The following MYO3A variants were observed in gnomAD, a reference collection of about 807,000 sequenced individuals.
MYO3A encodes myosin-IIIa.
A neutral mutation model predicts 192.7 loss-of-function variants in MYO3A; 180 were observed. The ratio of observed to expected loss-of-function variants is 0.93; its 90% CI spans 0.83 to 1.06. The LOEUF (loss-of-function observed/expected upper bound fraction) is 1.06. MYO3A is among the 50% of genes least tolerant of loss of function. The pLI, the probability that MYO3A is intolerant of heterozygous loss-of-function variation, is 0.00. For synonymous variants in MYO3A, 628 were observed against 645.3 expected (o/e 0.97, Z 0.41); for missense variants, 1,896 against 1,905.0 (o/e 1.00, Z 0.09).
In MYO3A at chr10:26,160,248, G is replaced by A. The variant is rs148223646; in HGVS notation, c.2999+2733G>A. ...TTGATCTTCAATATTGGACAGTCCA[G>A]TTAGAATCACCAGAGGCACAGACAT... is the stretch of plus-strand genomic sequence containing the variant. On this transcript the variant is annotated intron_variant, in intron 26 of 34. Coordinates refer to ENST00000642920, the MANE Select transcript of MYO3A (RefSeq NM_017433.5). 1.2e-4 allele frequency among the ~76,000 whole-genome samples: 18 copies of A among 152,272 alleles called. No homozygotes were observed. In the East Asian group the frequency reaches 3.5e-3, roughly 29 times the overall value.
At chr10:26,130,499 T>G (rs1267107930) in intron 20 of MYO3A, among the ~76,000 whole-genome samples, 1 of 152,208 alleles carries the variant, frequency 6.6e-6, no homozygotes, top group East Asian at 1.9e-4. Context: ...ACAAAACTTA[T>G]TCTATAAAGC....
At chr10:26,050,198 T>A (rs993223288) in intron 10 of MYO3A, among the ~76,000 whole-genome samples, 1 of 151,738 alleles carries the variant, frequency 6.6e-6, no homozygotes, top group Admixed American at 6.6e-5. Flanking sequence ...AGGAAAAATA[T>A]TTCTGTACAA....
At chr10:26,205,481 G>GGGGT in intron 34 of MYO3A, among the ~76,000 whole-genome samples, 1 of 138,232 alleles carries the variant, frequency 7.2e-6, no homozygotes, top group African/African-American at 2.7e-5. Flanking sequence ...TTTTTTTTTG[G>GGGGT]GGGGGGGCTT....
intron 10 of MYO3A, among the ~76,000 whole-genome samples, chr10:26,036,019 T>C (rs975320208): frequency 5.9e-5 from 9 of 152,174 alleles, no homozygotes; most frequent in Middle Eastern, 3.4e-3. Context: ...CTGCAAGTTC[T>C]GCCTCCCGGG....
intron 14 of MYO3A, among the ~76,000 whole-genome samples, chr10:26,087,116 TC>T (rs1237404172): frequency 6.6e-6 from 1 of 152,180 alleles, no homozygotes; most frequent in African/African-American, 2.4e-5. Flanking sequence ...TATGCAGTCT[TC>T]CAAATCTTAC....
intron 6 of MYO3A, among the ~76,000 whole-genome samples, chr10:26,000,893 G>A (rs1306717127): frequency 1.3e-5 from 2 of 152,276 alleles, no homozygotes; most frequent in African/African-American, 4.8e-5. Flanking sequence ...GCATGGCTGG[G>A]GAGGCTTCAG....
intron 14 of MYO3A, 36 bp from the exon 15 acceptor site, chr10:26,088,167 T>C: frequency 6.8e-7 from 1 of 1,475,880 alleles, no homozygotes; most frequent in Non-Finnish European, 9.2e-7. Context: ...ATTAATTTTT[T>C]ATGTTTTTAA....
At chr10:26,000,556 T>C (rs80287250) in intron 6 of MYO3A, among the ~76,000 whole-genome samples, 9,745 of 152,296 alleles carry the variant, frequency 0.064, 408 homozygotes, top group Non-Finnish European at 0.094. Flanking sequence ...TCTGTCTAAA[T>C]TGCTTACCTT....
intron 27 of MYO3A, 77 bp from the exon 28 acceptor site, chr10:26,168,635 C>G: frequency 6.9e-7 from 1 of 1,441,234 alleles, no homozygotes; most frequent in African/African-American, 1.4e-5. Context: ...AGAATGTGTT[C>G]TGTTCTTCAA....
At chr10:26,127,380 G>C (rs1839278139) in intron 19 of MYO3A, among the ~76,000 whole-genome samples, 1 of 152,062 alleles carries the variant, frequency 6.6e-6, no homozygotes, top group Admixed American at 6.6e-5. Context: ...TAATAATCTT[G>C]ACTAAACCAG....
rs185542664 is a variant in MYO3A at position 26,161,932 on chromosome 10, C to T, written c.3000-4135C>T. On this transcript the variant is annotated intron_variant, in intron 26 of 34. Transcript: ENST00000642920. ...TCAGCAAACGTTTAGTTGAGGGACCCACTGTGTTCCAGTCCTTGAACTAAA... is the reference window on the plus strand; with the variant it reads ...TCAGCAAACGTTTAGTTGAGGGACCTACTGTGTTCCAGTCCTTGAACTAAA... 4.6e-5 allele frequency among the ~76,000 whole-genome samples: 7 copies of T among 152,228 alleles called. No individual in the cohort carries two copies. The East Asian group carries it at 1.4e-3, about 29-fold the overall frequency.
intron 4 of MYO3A, among the ~76,000 whole-genome samples, chr10:25,994,031 T>G (rs1265601628): frequency 6.6e-6 from 1 of 152,084 alleles, no homozygotes; most frequent in Non-Finnish European, 1.5e-5. Flanking sequence ...TATTAGGTCC[T>G]CTTGGTGCAG....
chr10:26,054,628 C>T (rs530229476), intron 10 of MYO3A, among the ~76,000 whole-genome samples: 16 of 152,204 alleles, frequency 1.1e-4, no homozygotes, highest in East Asian at 7.7e-4. Context: ...GGAAATTATC[C>T]GGGATTAGTG....
chr10:26,064,080 A>C (rs987105556), intron 10 of MYO3A, among the ~76,000 whole-genome samples: 9 of 152,236 alleles, frequency 5.9e-5, no homozygotes, highest in Non-Finnish European at 1.0e-4. Context: ...GACAGAGGAC[A>C]AGGTAGAATA....
intron 15 of MYO3A, among the ~76,000 whole-genome samples, chr10:26,092,896 A>G (rs775806851): frequency 2.0e-5 from 3 of 152,188 alleles, no homozygotes; most frequent in East Asian, 1.9e-4. Context: ...GACCCCGGGT[A>G]AGCTTTGGAG....
intron 6 of MYO3A, among the ~76,000 whole-genome samples, chr10:26,006,738 A>G (rs1182359968): frequency 6.6e-6 from 1 of 151,682 alleles, no homozygotes; most frequent in Non-Finnish European, 1.5e-5. Flanking sequence ...GGCAATAATC[A>G]ATAGCTTACC....
At chr10:26,162,429 A>T (rs1361540508) in intron 26 of MYO3A, among the ~76,000 whole-genome samples, 14 of 152,182 alleles carry the variant, frequency 9.2e-5, no homozygotes, top group African/African-American at 3.4e-4. Context: ...ATTATAGTTT[A>T]TTGGCTCTTT....
intron 18 of MYO3A, among the ~76,000 whole-genome samples, chr10:26,124,176 G>T (rs1173250971): frequency 8.3e-6 from 1 of 120,216 alleles, no homozygotes; most frequent in Non-Finnish European, 1.6e-5. Flanking sequence ...ATGACAGAGC[G>T]AGACTTTGTC....
chr10:25,975,028 G>A (rs962731731), intron 4 of MYO3A, among the ~76,000 whole-genome samples: 2 of 152,154 alleles, frequency 1.3e-5, no homozygotes, highest in African/African-American at 4.8e-5. Flanking sequence ...GCCAAAAGCA[G>A]GCACTTTGAG....
Sources: gnomAD v4.1 joint callset for allele counts (sites outside exome capture counted in the v4.1 genomes callset) on GRCh38, gnomAD v4.1.1 for gene constraint, MANE v1.5 for transcripts, NCBI Gene and HGNC (gene_info 2026-07-23, HGNC 2026-07-21) for gene names.